Variants in MX1 observed in about 807,000 individuals in gnomAD.
MX1 encodes MX dynamin like GTPase 1, also known as interferon-induced GTP-binding protein Mx1.
Under a neutral mutation model 66.4 loss-of-function variants are expected in MX1, and 66 were observed. The ratio of observed to expected loss-of-function variants is 0.99; its 90% CI spans 0.82 to 1.22. MX1 has a LOEUF of 1.22. MX1 is among the 50% of genes most tolerant of loss of function. MX1 has a pLI of 0.00. For synonymous variants in MX1, 311 were observed against 318.1 expected (o/e 0.98, Z 0.24); for missense variants, 787 against 834.3 (o/e 0.94, Z 0.70).
chr21:41,452,685 T>G lies in MX1; in HGVS notation c.1574T>G (p.Phe525Cys), dbSNP rs749741816. 1.2e-6 allele frequency: 2 copies of G among 1,614,076 alleles called. No individual in the cohort carries two copies. The highest frequency in any genetic ancestry group is 1.6e-4 in the Middle Eastern group (1 of 6,062). The change falls in exon 16 of 17, where the codon TTC becomes TGC. Residue 525 changes from phenylalanine (F) to cysteine (C), a missense_variant. Transcript: ENST00000398598. The part of the protein sequence containing the change: ...REGEKLIRLH[F>C]QMEQIVYCQD... ...GGTGAGAAGCTGATCCGCCTCCACT[T>G]CCAGATGGAACAGATTGTCTACTGC...
intron 13 of MX1, among the ~76,000 whole-genome samples, chr21:41,448,527 C>T (rs928262754): frequency 6.6e-6 from 1 of 152,110 alleles, no homozygotes; most frequent in South Asian, 2.1e-4. Context: ...GGGTCTTGGC[C>T]GGGCACGGTG....
upstream of MX1, chr21:41,425,935 G>A (rs2090048927): frequency 6.5e-6 from 1 of 152,702 alleles, no homozygotes; most frequent in Non-Finnish European, 1.5e-5. Context: ...GGAAGGACAT[G>A]CCTAGGTTCA....
chr21:41,448,882 C>T (rs1368221327), intron 13 of MX1, among the ~76,000 whole-genome samples: 10 of 151,314 alleles, frequency 6.6e-5, no homozygotes, highest in Admixed American at 2.6e-4. Flanking sequence ...CCTGGCTCTG[C>T]ACTCCCCTTC....
chr21:41,452,873 C>A lies in MX1; in HGVS notation c.1758+4C>A, dbSNP rs370150560. ...GCACCTGATGGCCTATCACCAGGTA[C>A]GTCTTCGCGTGGTTCAGGATGCCAG... On this transcript the variant is annotated splice_donor_region_variant and intron_variant, in intron 16 of 16. Coordinates refer to ENST00000398598, the MANE Select transcript of MX1 (RefSeq NM_002462.5). 1 of 1,613,274 alleles carries A rather than the reference C, an allele frequency of 6.2e-7. No homozygotes were observed. Among genetic ancestry groups the A allele is most frequent in the Admixed American group, 1.7e-5 (1 of 59,902 alleles).
chr21:41,453,020 C>A, intron 16 of MX1, 151 bp downstream of exon 16: 1 of 935,378 alleles, frequency 1.1e-6, no homozygotes, highest in Non-Finnish European at 1.6e-6. Flanking sequence ...CATTTTCATG[C>A]TGCTGATAAA....
upstream of MX1, chr21:41,422,663 T>A (rs1267069507): frequency 6.6e-6 from 1 of 151,316 alleles, no homozygotes; most frequent in Non-Finnish European, 1.5e-5. Flanking sequence ...AAAAAAAGAG[T>A]AACTGCTGTT....
chr21:41,421,088 C>A (rs1235912295), intron 1 of MX1, among the ~76,000 whole-genome samples: 1 of 152,182 alleles, frequency 6.6e-6, no homozygotes, highest in African/African-American at 2.4e-5. Context: ...GTGTCAGGGT[C>A]ACAAGACAAT....
In MX1 at chr21:41,446,002, A is replaced by G. The variant is rs781574338; in HGVS notation, c.1134A>G (p.Lys378=). The part of the protein sequence containing the change: ...ENEKMFFLID[K]VNAFNQDITA... ...ACTGATGTTTTTCTTCTTGACAGAAAGTTAATGCCTTTAATCAGGACATCA... is the reference window on the plus strand; with the variant it reads ...ACTGATGTTTTTCTTCTTGACAGAAGGTTAATGCCTTTAATCAGGACATCA... The change falls in exon 13 of 17, where the codon AAA becomes AAG. Residue 378 remains lysine (K), a splice_region_variant and synonymous_variant. Transcript: ENST00000398598. The G allele has an allele frequency of 2.5e-6, 4 of 1,613,630 alleles. No individual in the cohort carries two copies. In the Admixed American group the frequency reaches 6.7e-5, roughly 27 times the overall value.
At chr21:41,442,026 C>CGCGT in intron 10 of MX1, 112 bp downstream of exon 10, 2 of 339,114 alleles carry the variant, frequency 5.9e-6, no homozygotes. Context: ...TGTGTGTGTG[C>CGCGT]GTGTGTGTGT....
At chr21:41,436,523 G>A (rs918692340) in intron 6 of MX1, among the ~76,000 whole-genome samples, 2 of 152,200 alleles carry the variant, frequency 1.3e-5, no homozygotes, top group African/African-American at 4.8e-5. Flanking sequence ...TATCAGTGAG[G>A]TCTCAAAGAG....
rs780458272 is a variant in MX1, at chr21:41,436,027, G to A, written c.296G>A (p.Ser99Asn). 6.2e-7 allele frequency: 1 copy of A among 1,613,932 alleles called. No homozygotes were observed. The highest frequency in any genetic ancestry group is 8.5e-7 in the Non-Finnish European group (1 of 1,179,944). The change falls in exon 6 of 17, where the codon AGC becomes AAC. Residue 99 changes from serine to asparagine, a missense_variant and splice_region_variant. Transcript: ENST00000398598. Reference sequence around the variant, plus strand: ...TCAGGAGTTGCCCTTCCCAGAGGCAGCGGTAAGAACTTACATTCTGTGTTA... The same window carrying A: ...TCAGGAGTTGCCCTTCCCAGAGGCAACGGTAAGAACTTACATTCTGTGTTA... ...ALSGVALPRG[S>N]GIVTRCPLVL...
chr21:41,434,115 A>C (rs925357734), intron 5 of MX1, among the ~76,000 whole-genome samples: 3 of 152,248 alleles, frequency 2.0e-5, no homozygotes, highest in African/African-American at 7.2e-5. Context: ...GTCCTGTTAT[A>C]AAGAAGCTAT....
Position 41,445,494 on chromosome 21 carries a change from G to GAAT in MX1, c.1058_1060dup (p.Ile353dup). The GAAT allele has an allele frequency of 6.2e-7, 1 of 1,614,110 alleles. No homozygotes were observed. Among genetic ancestry groups the GAAT allele is most frequent in the Non-Finnish European group, 8.5e-7 (1 of 1,179,990 alleles). ...AATCAAATCAAGGAGACTCACCAGA[G>GAAT]AATAACAGAGGAGCTACAAAAGTAT... On this transcript the variant is annotated inframe_insertion, in exon 12 of 17. Coordinates refer to ENST00000398598, the MANE Select transcript of MX1 (RefSeq NM_002462.5).
chr21:41,428,603 G>A (rs965454085), intron 3 of MX1: 42 of 152,204 alleles, frequency 2.8e-4, no homozygotes, highest in African/African-American at 1.0e-3. Flanking sequence ...GTCCCTTGTC[G>A]CTTTTGCGAT....
At chr21:41,421,741 G>T (rs543991713), upstream of MX1, 1 of 153,094 alleles carries the variant, frequency 6.5e-6, no homozygotes, top group Non-Finnish European at 1.5e-5. Context: ...CAAGGCAGAA[G>T]AATTTTTCTT....
chr21:41,445,323 C>T, intron 11 of MX1, 125 bp from the exon 12 acceptor site: 2 of 1,216,668 alleles, frequency 1.6e-6, no homozygotes, highest in Non-Finnish European at 2.3e-6. Flanking sequence ...GAAAAGCTTC[C>T]TTTTAGAGGA....
At chr21:41,436,259 C>G (rs1486296849) in intron 6 of MX1, among the ~76,000 whole-genome samples, 2 of 152,186 alleles carry the variant, frequency 1.3e-5, no homozygotes, top group African/African-American at 4.8e-5. Context: ...CTGTCTCTTC[C>G]CCTTCTTCAT....
chr21:41,455,577 C>G (rs2090938484), intron 16 of MX1, among the ~76,000 whole-genome samples: 1 of 152,238 alleles, frequency 6.6e-6, no homozygotes, highest in African/African-American at 2.4e-5. Flanking sequence ...CCGAGGCTGA[C>G]TCATGCACTC....
Position 41,437,238 on chromosome 21 carries a change from G to T in MX1, c.436+86G>T. 12 of 1,490,612 alleles carry T rather than the reference G, an allele frequency of 8.1e-6. No homozygotes were observed. The South Asian group carries it at 1.3e-4, about 17-fold the overall frequency. The allele number at this position is 1,490,612 out of a possible 1,614,324, so 92.3% of individuals were successfully genotyped here. Reference sequence around the variant, plus strand: ...AACTGTTCATACTCCCACCTCCCTGGGCCTGTGCTGTCAGGACACCTTTCT... The same window carrying T: ...AACTGTTCATACTCCCACCTCCCTGTGCCTGTGCTGTCAGGACACCTTTCT... On this transcript the variant is annotated intron_variant, in intron 7 of 16. Transcript: ENST00000398598.
Sources: allele counts gnomAD v4.1 joint callset (sites outside exome capture counted in the v4.1 genomes callset), GRCh38; gene constraint gnomAD v4.1.1; transcripts MANE v1.5; gene names NCBI Gene and HGNC (gene_info 2026-07-23, HGNC 2026-07-21).